Variants in PACS2 observed in about 807,000 individuals in gnomAD.
PACS2 encodes the protein phosphofurin acidic cluster sorting protein 2.
Under a neutral mutation model 113.0 loss-of-function variants are expected in PACS2, and 36 were observed. That is an observed-to-expected ratio of 0.32 (90% CI 0.24 to 0.42). PACS2 has a LOEUF of 0.42. Ranked by LOEUF, PACS2 falls within the 10% of genes least tolerant of loss-of-function variation. PACS2 has a pLI of 1.00. For synonymous variants in PACS2, 589 were observed against 536.1 expected (o/e 1.10, Z -1.36); for missense variants, 1,015 against 1,239.5 (o/e 0.82, Z 2.72).
chr14:105,325,016 C>T (rs899099727), intron 1 of PACS2, among the ~76,000 whole-genome samples: 1 of 152,168 alleles, frequency 6.6e-6, no homozygotes, highest in African/African-American at 2.4e-5. Context: ...TTCCGCTCCA[C>T]TGCCCCAACC....
chr14:105,378,196 T>C (rs1555410936), intron 9 of PACS2, among the ~76,000 whole-genome samples: 1 of 152,244 alleles, frequency 6.6e-6, no homozygotes, highest in East Asian at 1.9e-4. Context: ...GGAGACATCT[T>C]TGTGGCCCAG....
chr14:105,332,646 G>A (rs2059348108), intron 1 of PACS2, among the ~76,000 whole-genome samples: 1 of 152,198 alleles, frequency 6.6e-6, no homozygotes, highest in South Asian at 2.1e-4. Flanking sequence ...CCCTCCTCGG[G>A]CACTGCATGG....
In PACS2 at chr14:105,395,120, G is replaced by T; in HGVS notation, c.*448G>T. ...GTTGTCCTGAGTTGAGCCTGGGGGG[G>T]CCGTCCTGCCCGCCTAAGAGATGCC... is the stretch of plus-strand genomic sequence containing the variant. On this transcript the variant is annotated 3_prime_UTR_variant, in exon 25 of 25. Transcript: ENST00000447393. The T allele has an allele frequency of 6.0e-6, 1 of 166,350 alleles. No homozygotes were observed. Among genetic ancestry groups the T allele is most frequent in the East Asian group, 1.7e-4 (1 of 5,828 alleles). 10.3% of individuals were successfully genotyped at this position (166,350 alleles called of 1,614,324 possible). A position where few individuals can be genotyped will look rare whatever the true frequency, so the allele number is the denominator to read the frequency against.
chr14:105,392,335 A>G (rs1441004339), intron 22 of PACS2: 1 of 479,548 alleles, frequency 2.1e-6, no homozygotes, highest in South Asian at 2.4e-5. Flanking sequence ...GCTGGTTCGC[A>G]CGGGCCCTCA....
rs1227212073 is a variant in PACS2, at chr14:105,317,203, A to G, written c.119+2166A>G. Among the ~76,000 whole-genome samples, 1 of 152,102 alleles carries G rather than the reference A, an allele frequency of 6.6e-6. No individual in the cohort carries two copies. The highest frequency in any genetic ancestry group is 2.4e-5 in the African/African-American group (1 of 41,404). The stretch of plus-strand genomic sequence containing the variant: ...CTGCTGCGTACTATTCACTGGCGTG[A>G]CAGTACCTCGGCTTTGCTTCTGTCA... On this transcript the variant is annotated intron_variant, in intron 1 of 24. Coordinates refer to ENST00000447393, the MANE Select transcript of PACS2 (RefSeq NM_001100913.3). This position sits in a 1 kb window ranked among gnomAD's most constrained non-coding sequence, Gnocchi z 4.2.
chr14:105,300,790 C>A (rs193282388), exon 1 of PACS2: 9,970 of 379,760 alleles, frequency 0.026, 193 homozygotes, highest in African/African-American at 0.068. Context: ...TCGCCGCGCG[C>A]GCCCGGGCCG....
At chr14:105,391,587 G>A (rs781827204) in intron 21 of PACS2, 44 bp from the exon 22 acceptor site, 1 of 1,359,312 alleles carries the variant, frequency 7.4e-7, no homozygotes, top group Non-Finnish European at 9.7e-7. Flanking sequence ...CACCCGGGCA[G>A]AGCAGCAGGT....
intron 7 of PACS2, among the ~76,000 whole-genome samples, chr14:105,369,472 A>G (rs1347343000): frequency 6.6e-6 from 1 of 151,734 alleles, no homozygotes; most frequent in Admixed American, 6.6e-5. Flanking sequence ...CCCACCCCAC[A>G]CTCGCCCACC....
At position 105,355,236 on chromosome 14, in the gene PACS2, C is replaced by T. The variant is rs1757263805; in HGVS notation, c.423+59C>T. 3 of 1,565,502 alleles carry T rather than the reference C, an allele frequency of 1.9e-6. No individual in the cohort carries two copies. The highest frequency in any genetic ancestry group is 1.8e-5 in the Admixed American group (1 of 54,408). ...CTGGCCACCTGGGTGCCAGAGCATT[C>T]GCCCGTGGGAGATGGAGATGTCTCT... On this transcript the variant is annotated intron_variant, in intron 4 of 24. Transcript: ENST00000447393. This position sits in a 1 kb window ranked among gnomAD's most constrained non-coding sequence, Gnocchi z 4.1.
intron 11 of PACS2, among the ~76,000 whole-genome samples, chr14:105,380,565 C>T (rs2080952856): frequency 1.3e-5 from 2 of 151,802 alleles, no homozygotes; most frequent in Admixed American, 6.5e-5. Context: ...CCCAGACTCA[C>T]CCTACCTTCA....
chr14:105,367,683 C>T (rs1306658422), intron 5 of PACS2, among the ~76,000 whole-genome samples: 1 of 152,242 alleles, frequency 6.6e-6, no homozygotes, highest in Non-Finnish European at 1.5e-5. Flanking sequence ...GTGCAGGGCC[C>T]GCCATGGGCA....
At chr14:105,310,687 G>A (rs587754900), upstream of PACS2, among the ~76,000 whole-genome samples, 19 of 152,038 alleles carry the variant, frequency 1.2e-4, no homozygotes, top group African/African-American at 2.4e-4. Flanking sequence ...GATGGCGCCC[G>A]GCTCTCCAGC....
chr14:105,367,140 C>T, intron 4 of PACS2, 73 bp from the exon 5 acceptor site: 1 of 1,406,834 alleles, frequency 7.1e-7, no homozygotes. Flanking sequence ...TTCAGAAACC[C>T]CAGCCCACAC....
At chr14:105,364,485 T>TCCCGGGTGCGCGGTGGGC (rs1555407482) in intron 4 of PACS2, among the ~76,000 whole-genome samples, 13 of 70,776 alleles carry the variant, frequency 1.8e-4, no homozygotes, top group East Asian at 8.3e-4. Flanking sequence ...GCGCGGTGGG[T>TCCCGGGTGCGCGGTGGGC]GGCGGCCCGG....
chr14:105,370,997 T>C (rs1729158006), intron 8 of PACS2: 1 of 152,290 alleles, frequency 6.6e-6, no homozygotes, highest in Admixed American at 6.5e-5. Context: ...TAGATGGCGC[T>C]GTGTCCTAAC....
At chr14:105,304,102 G>A (rs2058108634) in intron 1 of PACS2, among the ~76,000 whole-genome samples, 1 of 152,252 alleles carries the variant, frequency 6.6e-6, no homozygotes, top group South Asian at 2.1e-4. Flanking sequence ...GTGCAGGACA[G>A]TCAGGCAGTA....
chr14:105,341,612 C>T (rs181258377), intron 1 of PACS2, among the ~76,000 whole-genome samples: 24 of 152,324 alleles, frequency 1.6e-4, no homozygotes, highest in Admixed American at 1.2e-3. Flanking sequence ...CTTTAGGCCT[C>T]GCTCTCAGAA....
chr14:105,335,494 C>T (rs1026955095), intron 1 of PACS2, among the ~76,000 whole-genome samples: 1 of 152,250 alleles, frequency 6.6e-6, no homozygotes, highest in Non-Finnish European at 1.5e-5. Context: ...CTGACTCCGG[C>T]ACCATCAGTT....
At chr14:105,367,075 GC>G in intron 4 of PACS2, 137 bp from the exon 5 acceptor site, 1 of 715,652 alleles carries the variant, frequency 1.4e-6, no homozygotes, top group Non-Finnish European at 2.3e-6. Flanking sequence ...GATGCTCCCT[GC>G]CCTGTGGCTG....
Sources: allele counts gnomAD v4.1 joint callset (sites outside exome capture counted in the v4.1 genomes callset), GRCh38; gene constraint gnomAD v4.1.1; non-coding constraint Gnocchi (gnomAD v3.1); transcripts MANE v1.5; gene names NCBI Gene and HGNC (gene_info 2026-07-23, HGNC 2026-07-21).